The following CDCA7 variants were observed in gnomAD, a reference collection of about 807,000 sequenced individuals.
CDCA7 encodes cell division cycle associated 7.
CDCA7 carries 28 observed loss-of-function variants against 54.0 expected under a neutral mutation model. The observed-to-expected ratio is 0.52, with a 90% confidence interval of 0.38 to 0.71. The LOEUF (loss-of-function observed/expected upper bound fraction) is 0.71, where lower values mean the gene tolerates loss of function less well. Ranked by LOEUF, CDCA7 falls within the 30% of genes least tolerant of loss-of-function variation. CDCA7 has a pLI of 0.00. For missense variants in CDCA7, 484 were observed against 586.0 expected, an observed-to-expected ratio of 0.83 and a Z score of 1.80; for synonymous variants, 180 against 208.2, an observed-to-expected ratio of 0.86 and a Z score of 1.16.
intron 9 of CDCA7, 59 bp downstream of exon 9, chr2:173,367,345 T>A: frequency 1.2e-6 from 2 of 1,608,002 alleles, no homozygotes; most frequent in South Asian, 1.1e-5. Flanking sequence ...TATGTCTTAA[T>A]GAGAAGATGA....
At chr2:173,365,050 T>C in intron 6 of CDCA7, 61 bp downstream of exon 6, 1 of 1,500,876 alleles carries the variant, frequency 6.7e-7, no homozygotes, top group Non-Finnish European at 8.8e-7. Flanking sequence ...CCTGGCATCA[T>C]ACACAGCACA....
rs758309071 is a variant in CDCA7, at chr2:173,364,918, A to T, written c.823A>T (p.Met275Leu). 1.9e-6 allele frequency: 3 copies of T among 1,609,298 alleles called. No individual in the cohort carries two copies. The highest frequency in any genetic ancestry group is 2.5e-6 in the Non-Finnish European group (3 of 1,178,472). Residue 275 changes from methionine (M) to leucine (L), a missense_variant, in exon 6 of 10, where the codon ATG (methionine) becomes TTG (leucine). Around this residue, in one of 3 missense-constraint regions of CDCA7, gnomAD observed 398 missense variants for 447.4 expected, o/e 0.89. Coordinates refer to ENST00000306721, the MANE Select transcript of CDCA7 (RefSeq NM_031942.5). The stretch of plus-strand genomic sequence containing the variant: ...CCTCGGGTCCCTTGACGCTCTACCC[A>T]TGGAGGAGGAGGAGGAAGAGGATAA... ...RILGSLDALPMEEEEEEDKYM... is the reference protein window; with the variant it reads ...RILGSLDALPLEEEEEEDKYM...
chr2:173,365,081 A>G, intron 6 of CDCA7, 92 bp downstream of exon 6: 1 of 1,430,526 alleles, frequency 7.0e-7, no homozygotes, highest in Non-Finnish European at 9.1e-7. Flanking sequence ...CATCCTTAAC[A>G]CCAGGCGATC....
At chr2:173,357,671 C>A (rs1363013288) in intron 1 of CDCA7, among the ~76,000 whole-genome samples, 4 of 152,120 alleles carry the variant, frequency 2.6e-5, no homozygotes, top group Admixed American at 2.0e-4. Flanking sequence ...GGAGAAAAAT[C>A]TTTCTCCCCT....
At chr2:173,365,119 C>G in intron 6 of CDCA7, 130 bp downstream of exon 6, 1 of 1,363,554 alleles carries the variant, frequency 7.3e-7, no homozygotes, top group Non-Finnish European at 9.5e-7. Flanking sequence ...TCTAACCATT[C>G]AGAACTGTAA....
At chr2:173,360,471 G>A (rs1686598952) in intron 3 of CDCA7, among the ~76,000 whole-genome samples, 3 of 152,140 alleles carry the variant, frequency 2.0e-5, no homozygotes. Context: ...AGTACAAAAA[G>A]CTGTTTGTGG....
rs898437476 is a variant in CDCA7, at chr2:173,367,242, A to G, written c.1278A>G (p.Leu426=). The G allele has an allele frequency of 2.5e-6, 4 of 1,613,922 alleles. No homozygotes were observed. Among genetic ancestry groups the G allele is most frequent in the Middle Eastern group, 1.7e-4 (1 of 6,054 alleles). The part of the protein sequence containing the change: ...GRCATGVLVY[L]AKYHGFGNVH... ...GTGCGACTGGGGTCCTTGTGTATTT[A>G]GCCAAATATCATGGCTTTGGGAATG... is the stretch of plus-strand genomic sequence containing the variant. Residue 426 remains leucine, a synonymous_variant, in exon 9 of 10, where the codon TTA becomes TTG. Coordinates refer to ENST00000306721, the MANE Select transcript of CDCA7 (RefSeq NM_031942.5).
chr2:173,356,450 C>T (rs966276440), intron 1 of CDCA7, among the ~76,000 whole-genome samples: 3 of 152,134 alleles, frequency 2.0e-5, no homozygotes, highest in African/African-American at 7.2e-5. Flanking sequence ...TCCTTCCTGC[C>T]CCTGTGATCT....
chr2:173,365,033 C>T (rs758958300), intron 6 of CDCA7, 44 bp downstream of exon 6: 16 of 1,518,620 alleles, frequency 1.1e-5, no homozygotes, highest in African/African-American at 5.6e-5. Flanking sequence ...TTCTCATCTT[C>T]GGTAGGCCTG....
In CDCA7 at chr2:173,367,296, G is replaced by GT. The variant is rs754138992; in HGVS notation, c.1322+19dup. ...ATGCCTACTTGAAAAGGTAGTGGGT[G>GT]TTTTTTTTTCCCTTCCACATCTGAA... On this transcript the variant is annotated intron_variant, in intron 9 of 9. Coordinates refer to ENST00000306721, the MANE Select transcript of CDCA7 (RefSeq NM_031942.5). 1.4e-4 allele frequency: 228 copies of GT among 1,596,110 alleles called. No individual in the cohort carries two copies. Among genetic ancestry groups the GT allele is most frequent in the African/African-American group, 7.4e-4 (55 of 74,018 alleles).
At chr2:173,360,849 C>T (rs1686606774) in intron 3 of CDCA7, among the ~76,000 whole-genome samples, 2 of 151,616 alleles carry the variant, frequency 1.3e-5, no homozygotes, top group South Asian at 2.1e-4. Flanking sequence ...TTTTTTTCTT[C>T]TCTCTCTCTT....
intron 8 of CDCA7, 65 bp from the exon 9 acceptor site, chr2:173,367,085 T>C (rs1686738012): frequency 6.6e-7 from 1 of 1,524,204 alleles, no homozygotes; most frequent in Non-Finnish European, 8.8e-7. Context: ...TTAAATGTAA[T>C]GTAGATAAGT....
chr2:173,366,507 T>C lies in CDCA7; in HGVS notation c.1185+75T>C, dbSNP rs1336133934. On this transcript the variant is annotated intron_variant, in intron 8 of 9. Transcript: ENST00000306721. This position sits in a 1 kb window ranked among gnomAD's most constrained non-coding sequence, Gnocchi z 4.5. ...ACTGTGATGAGGCCAGAAAAAGGCATTGGTGAAGGGGTGGAGCCCTTTCTG... is the reference window on the plus strand; with the variant it reads ...ACTGTGATGAGGCCAGAAAAAGGCACTGGTGAAGGGGTGGAGCCCTTTCTG... The C allele has an allele frequency of 3.2e-6, 5 of 1,571,360 alleles. No homozygotes were observed. Among genetic ancestry groups the C allele is most frequent in the East Asian group, 2.3e-5 (1 of 44,340 alleles).
Position 173,363,345 on chromosome 2 carries a change from A to G in CDCA7, c.504A>G (p.Ala168=). Residue 168 remains alanine, a synonymous_variant, in exon 4 of 10, where the codon GCA becomes GCG. Transcript: ENST00000306721. ...RSTRGATNKK[A]ESRQPSENSV... Reference sequence around the variant, plus strand: ...CCAGGGGAGCAACCAACAAAAAAGCAGAGTCCCGCCAGCCCTCAGAGAATT... The same window carrying G: ...CCAGGGGAGCAACCAACAAAAAAGCGGAGTCCCGCCAGCCCTCAGAGAATT... 2 of 1,614,208 alleles carry G rather than the reference A, an allele frequency of 1.2e-6. No individual in the cohort carries two copies. Among genetic ancestry groups the G allele is most frequent in the Non-Finnish European group, 1.7e-6 (2 of 1,180,034 alleles).
chr2:173,360,620 C>T (rs542131652), intron 3 of CDCA7, among the ~76,000 whole-genome samples: 3 of 152,122 alleles, frequency 2.0e-5, no homozygotes, highest in South Asian at 2.1e-4. Flanking sequence ...AGACTACAGG[C>T]GTGTACCACC....
intron 4 of CDCA7, 118 bp from the exon 5 acceptor site, chr2:173,363,700 C>A: frequency 9.2e-7 from 1 of 1,083,894 alleles, no homozygotes. Flanking sequence ...CTGAATGTGT[C>A]AGCTTACTAT....
chr2:173,361,242 T>C (rs1686615297), intron 3 of CDCA7, among the ~76,000 whole-genome samples: 1 of 152,216 alleles, frequency 6.6e-6, no homozygotes, highest in South Asian at 2.1e-4. Flanking sequence ...TGAATAATGC[T>C]ACTGTGAACA....
At chr2:173,360,663 G>C (rs75114700) in intron 3 of CDCA7, among the ~76,000 whole-genome samples, 4,032 of 152,198 alleles carry the variant, frequency 0.026, 67 homozygotes, top group South Asian at 0.044. Flanking sequence ...TTTTTATAGA[G>C]ATGTGGGCTC....
intron 9 of CDCA7, 124 bp from the exon 10 acceptor site, chr2:173,367,510 C>A: frequency 1.5e-6 from 2 of 1,324,702 alleles, no homozygotes; most frequent in Non-Finnish European, 2.2e-6. Context: ...CTTGAAGATG[C>A]GCACACTTGA....
Sources: allele counts gnomAD v4.1 joint callset (sites outside exome capture counted in the v4.1 genomes callset), GRCh38; gene constraint gnomAD v4.1.1; regional missense constraint gnomAD v4.1.1; non-coding constraint Gnocchi (gnomAD v3.1); transcripts MANE v1.5; gene names NCBI Gene and HGNC (gene_info 2026-07-23, HGNC 2026-07-21).